SLC5A4: variants seen among roughly 807,000 people sequenced by gnomAD.
SLC5A4 encodes probable glucose sensor protein SLC5A4.
In SLC5A4, 55 loss-of-function variants were observed where a neutral mutation model predicts 70.3. The ratio of observed to expected loss-of-function variants is 0.78; its 90% CI spans 0.63 to 0.98. The LOEUF (loss-of-function observed/expected upper bound fraction) is 0.98. Ranked by LOEUF, SLC5A4 falls within the 50% of genes least tolerant of loss-of-function variation. The pLI, the probability that SLC5A4 is intolerant of heterozygous loss-of-function variation, is 0.00. For synonymous variants in SLC5A4, 268 were observed against 305.7 expected, an observed-to-expected ratio of 0.88 and a Z score of 1.29; for missense variants, 735 against 839.2, an observed-to-expected ratio of 0.88 and a Z score of 1.53.
At chr22:32,332,920 ACT>A in the SLC5A4 span, among the ~76,000 whole-genome samples, 3 of 151,562 alleles carry the variant, frequency 2.0e-5, no homozygotes, top group Admixed American at 6.6e-5. Flanking sequence ...GAAAATAAAG[ACT>A]CTTTCTCCTT....
the SLC5A4 span, among the ~76,000 whole-genome samples, chr22:32,264,425 G>A: frequency 0.095 from 14,369 of 151,882 alleles, 739 homozygotes; most frequent in African/African-American, 0.13. Flanking sequence ...AATAGAAAAA[G>A]TTCGTTGGGC....
the SLC5A4 span, among the ~76,000 whole-genome samples, chr22:32,323,226 G>A: frequency 6.6e-6 from 1 of 152,128 alleles, no homozygotes; most frequent in Non-Finnish European, 1.5e-5. Flanking sequence ...ACAGAAGCAA[G>A]TCAGGTGGAC....
the SLC5A4 span, among the ~76,000 whole-genome samples, chr22:32,284,358 G>T: frequency 6.6e-5 from 10 of 152,190 alleles, no homozygotes; most frequent in African/African-American, 2.2e-4. Flanking sequence ...TTAGTAGTTC[G>T]AATTGCCAAT....
At chr22:32,245,794 C>T (rs1009800892) in intron 5 of SLC5A4, among the ~76,000 whole-genome samples, 2 of 152,206 alleles carry the variant, frequency 1.3e-5, no homozygotes, top group Non-Finnish European at 1.5e-5. Flanking sequence ...GTTGGGATTA[C>T]AGGCGTGAGC....
At chr22:32,330,831 T>G in the SLC5A4 span, among the ~76,000 whole-genome samples, 2 of 113,786 alleles carry the variant, frequency 1.8e-5, no homozygotes, top group Admixed American at 9.7e-5. Flanking sequence ...CTCTGGTGTG[T>G]GTGTGTGTGT....
At chr22:32,308,486 A>C in the SLC5A4 span, among the ~76,000 whole-genome samples, 1 of 152,132 alleles carries the variant, frequency 6.6e-6, no homozygotes, top group Non-Finnish European at 1.5e-5. Context: ...GCTCAGCCAC[A>C]CCCACAGCCC....
intron 14 of SLC5A4, among the ~76,000 whole-genome samples, 153 bp from the exon 15 acceptor site, chr22:32,218,878 A>G (rs928976432): frequency 1.6e-4 from 24 of 152,248 alleles, no homozygotes; most frequent in African/African-American, 5.5e-4. Flanking sequence ...AAATTTAATC[A>G]TATAAAAACA....
intron 11 of SLC5A4, 84 bp from the exon 12 acceptor site, chr22:32,225,907 T>G (rs770872307): frequency 9.7e-6 from 9 of 926,208 alleles, no homozygotes; most frequent in Non-Finnish European, 1.4e-5. Context: ...CGTTCATTCT[T>G]GTTGTCACTC....
At chr22:32,263,000 C>T in the SLC5A4 span, among the ~76,000 whole-genome samples, 1 of 151,856 alleles carries the variant, frequency 6.6e-6, no homozygotes, top group African/African-American at 2.4e-5. Flanking sequence ...GATCTCCTGA[C>T]TTTGTGATCC....
the SLC5A4 span, among the ~76,000 whole-genome samples, chr22:32,340,909 A>G: frequency 0.059 from 8,970 of 152,246 alleles, 818 homozygotes; most frequent in African/African-American, 0.2. Flanking sequence ...TCAGGGAGAC[A>G]TGCGGAGGCG....
At chr22:32,264,744 G>T in the SLC5A4 span, among the ~76,000 whole-genome samples, 1 of 152,072 alleles carries the variant, frequency 6.6e-6, no homozygotes, top group Non-Finnish European at 1.5e-5. Context: ...TCCAAGCCTA[G>T]AATTCATATT....
the SLC5A4 span, chr22:32,269,969 G>T: frequency 3.8e-6 from 2 of 522,646 alleles, no homozygotes; most frequent in South Asian, 1.6e-5. The surrounding 1 kb of genome is among the most constrained non-coding windows in gnomAD (Gnocchi z 4.1). Flanking sequence ...CTGAGTTCTT[G>T]CCTGGGCAAC....
chr22:32,353,935 G>A, the SLC5A4 span, among the ~76,000 whole-genome samples: 1 of 150,978 alleles, frequency 6.6e-6, no homozygotes, highest in African/African-American at 2.4e-5. Flanking sequence ...CCCACTGGGA[G>A]CAGCAACCCA....
chr22:32,299,162 T>C, the SLC5A4 span, among the ~76,000 whole-genome samples: 1 of 75,148 alleles, frequency 1.3e-5, no homozygotes, highest in Non-Finnish European at 2.7e-5. Flanking sequence ...GGAGTATCTT[T>C]GTGGCGTTCT....
the SLC5A4 span, among the ~76,000 whole-genome samples, chr22:32,291,675 CTTAT>C: frequency 3.9e-5 from 6 of 151,974 alleles, no homozygotes; most frequent in South Asian, 2.1e-4. Context: ...CTTTTAAGCA[CTTAT>C]TTATCTGAAT....
rs191332056 is a variant in SLC5A4 at position 32,239,857 on chromosome 22, T to C, written c.478-767A>G. ...GGCTAACACAGTGAAACCCCGTCTC[T>C]ACTACAAATACAAAAAATTAGCCAG... On this transcript the variant is annotated intron_variant, in intron 5 of 14. Transcript: ENST00000266086. 3.2e-3 allele frequency among the ~76,000 whole-genome samples: 473 copies of C among 149,392 alleles called. 7 individuals carry two copies. Among genetic ancestry groups the C allele is most frequent in the African/African-American group, 0.011 (453 of 40,846 alleles).
At chr22:32,266,551 G>T in the SLC5A4 span, among the ~76,000 whole-genome samples, 1 of 152,192 alleles carries the variant, frequency 6.6e-6, no homozygotes, top group African/African-American at 2.4e-5. Flanking sequence ...GAATGATTTT[G>T]TCTAAAAGCA....
chr22:32,340,356 T>C, the SLC5A4 span, among the ~76,000 whole-genome samples: 1 of 152,216 alleles, frequency 6.6e-6, no homozygotes, highest in Non-Finnish European at 1.5e-5. Context: ...GATTCATTCA[T>C]GCAACATGGA....
At chr22:32,221,058 G>A (rs1925051235) in intron 13 of SLC5A4, 36 bp from the exon 14 acceptor site, 1 of 1,359,758 alleles carries the variant, frequency 7.4e-7, no homozygotes, top group Admixed American at 1.7e-5. Context: ...ATTAGTAATA[G>A]GCAAATGTTT....
Sources: gnomAD v4.1 joint callset for allele counts (sites outside exome capture counted in the v4.1 genomes callset) on GRCh38, gnomAD v4.1.1 for gene constraint, Gnocchi (gnomAD v3.1) non-coding constraint, MANE v1.5 for transcripts, NCBI Gene and HGNC (gene_info 2026-07-23, HGNC 2026-07-21) for gene names.